The following VPS13A variants were observed in gnomAD, a reference collection of about 807,000 sequenced individuals.
VPS13A encodes the protein vacuolar protein sorting 13 homolog A, also known as intermembrane lipid transfer protein VPS13A.
Under a neutral mutation model 390.9 loss-of-function variants are expected in VPS13A, and 264 were observed. That is an observed-to-expected ratio of 0.68 (90% CI 0.61 to 0.75). VPS13A has a LOEUF of 0.75. VPS13A is among the 30% of genes least tolerant of loss of function. The pLI is 0.00. For synonymous variants in VPS13A, 1,231 were observed against 1,227.1 expected, an observed-to-expected ratio of 1.00 and a Z score of -0.07; for missense variants, 3,409 against 3,733.9, an observed-to-expected ratio of 0.91 and a Z score of 2.27.
chr9:77,287,063 C>T (rs76388530), intron 31 of VPS13A, among the ~76,000 whole-genome samples: 8 of 150,708 alleles, frequency 5.3e-5, no homozygotes, highest in South Asian at 2.1e-4. Flanking sequence ...AGAGGCTATT[C>T]GGTTTATTCT....
At chr9:77,215,550 A>G (rs1174231133) in intron 10 of VPS13A, among the ~76,000 whole-genome samples, 6 of 152,218 alleles carry the variant, frequency 3.9e-5, no homozygotes, top group Non-Finnish European at 7.3e-5. Context: ...AGGAGAGAGA[A>G]AGTACTGAGT....
At chr9:77,369,944 T>C (rs1038776842) in intron 63 of VPS13A, among the ~76,000 whole-genome samples, 6 of 152,228 alleles carry the variant, frequency 3.9e-5, no homozygotes, top group African/African-American at 1.4e-4. Flanking sequence ...ATTAAAGACT[T>C]ATCAAGAGTA....
intron 33 of VPS13A, among the ~76,000 whole-genome samples, chr9:77,302,528 A>G (rs1828439508): frequency 6.6e-6 from 1 of 151,054 alleles, no homozygotes; most frequent in South Asian, 2.1e-4. Context: ...GCATGCCACC[A>G]CGGCCAGCTA....
At chr9:77,316,511 T>A in intron 39 of VPS13A, 105 bp downstream of exon 39, 2 of 919,954 alleles carry the variant, frequency 2.2e-6, no homozygotes, top group African/African-American at 1.6e-5. Flanking sequence ...CCTTGCTCTG[T>A]AAAATGTCTT....
intron 31 of VPS13A, among the ~76,000 whole-genome samples, chr9:77,290,867 A>G (rs1045132108): frequency 2.0e-5 from 3 of 152,196 alleles, no homozygotes; most frequent in African/African-American, 7.2e-5. Context: ...CCTTTACCAT[A>G]TTAATCATAG....
rs186596420 is a variant in VPS13A at position 77,218,030 on chromosome 9, A to G, written c.755-1924A>G. On this transcript the variant is annotated intron_variant, in intron 10 of 71. Coordinates refer to ENST00000360280, the MANE Select transcript of VPS13A (RefSeq NM_033305.3). ...AGTTTTAATTTTCATTTCTCGGATG[A>G]TGAGTGATGTTGAGCAGTTTTTCAT... is the stretch of plus-strand genomic sequence containing the variant. Among the ~76,000 whole-genome samples, 60 of 151,446 alleles carry G rather than the reference A, an allele frequency of 4.0e-4. No individual in the cohort carries two copies. The East Asian group carries it at 0.011, about 27-fold the overall frequency.
Position 77,314,476 on chromosome 9 carries a change from T to C in VPS13A, c.4243-19T>C, listed in dbSNP as rs926994496. ...ACTTGTGTTTCTTTGTAATTTTGTG[T>C]TGGTTTCTCCTTTCATAGGCTTCCT... is the stretch of plus-strand genomic sequence containing the variant. On this transcript the variant is annotated intron_variant, in intron 36 of 71. Coordinates refer to ENST00000360280, the MANE Select transcript of VPS13A (RefSeq NM_033305.3). The C allele has an allele frequency of 1.2e-6, 2 of 1,608,824 alleles. No individual in the cohort carries two copies. Among genetic ancestry groups the C allele is most frequent in the Non-Finnish European group, 1.7e-6 (2 of 1,177,552 alleles).
In VPS13A at chr9:77,199,936, C is replaced by G. The variant is rs769097566; in HGVS notation, c.101-9C>G. 2 of 1,592,392 alleles carry G rather than the reference C, an allele frequency of 1.3e-6. No homozygotes were observed. The highest frequency in any genetic ancestry group is 3.5e-5 in the Admixed American group (2 of 56,436). On this transcript the variant is annotated splice_polypyrimidine_tract_variant and intron_variant, in intron 1 of 71. Coordinates refer to ENST00000360280, the MANE Select transcript of VPS13A (RefSeq NM_033305.3). ...TGATTGTTTGAATCTTTTTTTTAATCTTTTTTAGGAGCTGTGGCCCTCAAG... is the reference window on the plus strand; with the variant it reads ...TGATTGTTTGAATCTTTTTTTTAATGTTTTTTAGGAGCTGTGGCCCTCAAG...
At position 77,419,122 on chromosome 9, in the gene VPS13A, G is replaced by C. The variant is rs1236468105; in HGVS notation, c.*3116G>C. 6.6e-6 allele frequency: 1 copy of C among 152,162 alleles called. No homozygotes were observed. The highest frequency in any genetic ancestry group is 1.5e-5 in the Non-Finnish European group (1 of 68,032). The allele number at this position is 152,162 out of a possible 1,614,324, so 9.4% of individuals were successfully genotyped here. ...CATGGCTCAGCCAACACAGTTCAGA[G>C]GAATCTTTTCGGCTTCCAGGGCATT... is the stretch of plus-strand genomic sequence containing the variant. On this transcript the variant is annotated 3_prime_UTR_variant, in exon 72 of 72. Coordinates refer to ENST00000360280, the MANE Select transcript of VPS13A (RefSeq NM_033305.3).
intron 1 of VPS13A, among the ~76,000 whole-genome samples, chr9:77,190,011 A>C (rs546948790): frequency 1.2e-4 from 18 of 152,278 alleles, no homozygotes; most frequent in African/African-American, 4.1e-4. Flanking sequence ...GAGACTATGG[A>C]GTTTTCTAGG....
rs768012205 is a variant in VPS13A at position 77,321,620 on chromosome 9, C to T, written c.5704C>T (p.Pro1902Ser). ...PSDSFSVLNI[P>S]MAKSYVLKNG... ...TGATTCTTTTAGTGTACTCAACATT[C>T]CTATGGCAAAATCATATGTATTGAA... Residue 1902 changes from proline to serine, a missense_variant, in exon 44 of 72, where the codon CCT becomes TCT. Pro to Ser is a moderately conservative substitution (Grantham distance 74). Around this residue, in one of 5 missense-constraint regions of VPS13A, gnomAD observed 2,717 missense variants for 2,917.4 expected, o/e 0.93. Coordinates refer to ENST00000360280, the MANE Select transcript of VPS13A (RefSeq NM_033305.3). 1 of 1,613,300 alleles carries T rather than the reference C, an allele frequency of 6.2e-7. No homozygotes were observed. The highest frequency in any genetic ancestry group is 8.5e-7 in the Non-Finnish European group (1 of 1,179,554).
intron 35 of VPS13A, among the ~76,000 whole-genome samples, chr9:77,312,973 T>A (rs1239866647): frequency 6.6e-6 from 1 of 152,090 alleles, no homozygotes; most frequent in East Asian, 1.9e-4. Context: ...ACAAAATGAC[T>A]CATTTAGGAA....
chr9:77,187,749 G>A (rs1427432050), intron 1 of VPS13A, among the ~76,000 whole-genome samples: 1 of 152,058 alleles, frequency 6.6e-6, no homozygotes, highest in Non-Finnish European at 1.5e-5. Context: ...GTACATGTGT[G>A]GGTTTGTTGT....
intron 7 of VPS13A, 94 bp from the exon 8 acceptor site, chr9:77,212,875 G>C: frequency 7.8e-7 from 1 of 1,281,972 alleles, no homozygotes; most frequent in South Asian, 1.2e-5. Flanking sequence ...TCATGAAAGG[G>C]ACATTGGTCT....
At position 77,316,369 on chromosome 9, in the gene VPS13A, C is replaced by T. The variant is rs755454094; in HGVS notation, c.4826C>T (p.Pro1609Leu). The T allele has an allele frequency of 2.1e-5, 34 of 1,612,834 alleles. No individual in the cohort carries two copies. Among genetic ancestry groups the T allele is most frequent in the Non-Finnish European group, 1.5e-5 (18 of 1,179,244 alleles). ...AIKDLQVRAC[P>L]FLPVKRKGKI... ...AAAGATCTCCAAGTGAGAGCCTGCC[C>T]GTTTCTTCCAGTCAAGAGAAAAGGC... The change falls in exon 39 of 72, where the codon CCG becomes CTG. Residue 1609 changes from proline (P) to leucine (L), a missense_variant. Transcript: ENST00000360280.
In VPS13A at chr9:77,343,615, C is replaced by T. The variant is rs77618374; in HGVS notation, c.7027-538C>T. On this transcript the variant is annotated intron_variant, in intron 50 of 71. Transcript: ENST00000360280. ...TTTAGTTTGGTTTCCAGATCACTCA[C>T]GTTGAAGTTATTTCGTACAATTCTG... Among the ~76,000 whole-genome samples the T allele has an allele frequency of 9.3e-3, 1,422 of 152,312 alleles. 11 individuals are homozygous for T. The highest frequency in any genetic ancestry group is 0.014 in the South Asian group (67 of 4,832).
At chr9:77,238,790 T>C (rs1469592909) in intron 19 of VPS13A, among the ~76,000 whole-genome samples, 1 of 152,236 alleles carries the variant, frequency 6.6e-6, no homozygotes, top group East Asian at 1.9e-4. Context: ...CCTTAAATAT[T>C]TGGCAGAGCT....
intron 67 of VPS13A, among the ~76,000 whole-genome samples, chr9:77,376,464 C>T (rs1396936022): frequency 6.6e-6 from 1 of 152,058 alleles, no homozygotes; most frequent in Non-Finnish European, 1.5e-5. Flanking sequence ...GGTGATTCGA[C>T]TATTAGAGTA....
rs1831907531 is a variant in VPS13A, at chr9:77,357,912, G to C, written c.7953+74G>C. The C allele has an allele frequency of 1.3e-5, 17 of 1,352,932 alleles. No individual in the cohort carries two copies. In the South Asian group the frequency reaches 2.0e-4, roughly 16 times the overall value. The allele number at this position is 1,352,932 out of a possible 1,614,324, so 83.8% of individuals were successfully genotyped here. The stretch of plus-strand genomic sequence containing the variant: ...ATAAGAAACCAGATCTATTCCCATG[G>C]TCTGCTTTATCTAGTATTCAGTTTC... On this transcript the variant is annotated intron_variant, in intron 56 of 71. Coordinates refer to ENST00000360280, the MANE Select transcript of VPS13A (RefSeq NM_033305.3).
Sources: allele counts gnomAD v4.1 joint callset (sites outside exome capture counted in the v4.1 genomes callset), GRCh38; gene constraint gnomAD v4.1.1; regional missense constraint gnomAD v4.1.1; transcripts MANE v1.5; gene names NCBI Gene and HGNC (gene_info 2026-07-23, HGNC 2026-07-21).